Variants in PCDH11Y observed in about 807,000 individuals in gnomAD.
The protein encoded by PCDH11Y is protocadherin-11 Y-linked.
For missense variants in PCDH11Y, 12 were observed against 224.8 expected, an observed-to-expected ratio of 0.05 and a Z score of 6.05; for synonymous variants, 9 against 83.6, an observed-to-expected ratio of 0.11 and a Z score of 4.87.
At chrY:5,209,825 C>T (rs2052936508) in intron 2 of PCDH11Y, among the ~76,000 whole-genome samples, 1 of 33,595 alleles carries the variant, frequency 3.0e-5, no homozygotes. Flanking sequence ...AATCCCAGCA[C>T]TTTGGGAGAC....
chrY:5,162,515 T>G, intron 2 of PCDH11Y, among the ~76,000 whole-genome samples: 1 of 33,175 alleles, frequency 3.0e-5, no homozygotes, highest in Non-Finnish European at 7.5e-5. Flanking sequence ...CAGGGAATCA[T>G]AAGCTATAAT....
At chrY:5,259,240 T>A in intron 2 of PCDH11Y, among the ~76,000 whole-genome samples, 1 of 33,462 alleles carries the variant, frequency 3.0e-5, no homozygotes, top group Admixed American at 2.8e-4. Flanking sequence ...TTGCTTTTTT[T>A]ATCCATTCAG....
chrY:5,425,561 T>G, intron 2 of PCDH11Y, among the ~76,000 whole-genome samples: 1 of 33,452 alleles, frequency 3.0e-5, no homozygotes, highest in East Asian at 8.0e-4. Flanking sequence ...GAATCCATTT[T>G]GAGATACAGT....
intron 2 of PCDH11Y, among the ~76,000 whole-genome samples, chrY:5,183,733 T>C: frequency 1.2e-4 from 4 of 32,610 alleles, no homozygotes; most frequent in African/African-American, 2.5e-4. Context: ...CCTTTCTCTC[T>C]GAAATAATTT....
intron 2 of PCDH11Y, among the ~76,000 whole-genome samples, chrY:5,370,674 A>G: frequency 3.3e-5 from 1 of 30,469 alleles, no homozygotes; most frequent in South Asian, 7.6e-4. Context: ...TTAATTTTGT[A>G]TAGTTCCAAA....
intron 1 of PCDH11Y, among the ~76,000 whole-genome samples, chrY:5,082,457 G>A: frequency 3.0e-5 from 1 of 33,047 alleles, no homozygotes; most frequent in African/African-American, 1.2e-4. Context: ...CAGAAGAAAT[G>A]GTATCAGCTC....
chrY:5,679,607 A>G, intron 4 of PCDH11Y, among the ~76,000 whole-genome samples: 3 of 33,793 alleles, frequency 8.9e-5, no homozygotes, highest in African/African-American at 3.5e-4. Flanking sequence ...GTTTGAGAAA[A>G]GCAAAAGGAA....
chrY:5,613,896 C>A, intron 4 of PCDH11Y, among the ~76,000 whole-genome samples: 4 of 31,132 alleles, frequency 1.3e-4, no homozygotes, highest in Non-Finnish European at 3.1e-4. Context: ...ACAGCTATGT[C>A]CTCTTTTTGA....
intron 4 of PCDH11Y, among the ~76,000 whole-genome samples, chrY:5,703,393 T>A (rs2053579824): frequency 4.8e-4 from 16 of 33,217 alleles, no homozygotes; most frequent in Non-Finnish European, 7.4e-4. Context: ...TGTTCATCTT[T>A]TGAAATATTT....
chrY:5,365,171 T>C, intron 2 of PCDH11Y, among the ~76,000 whole-genome samples: 1 of 33,271 alleles, frequency 3.0e-5, no homozygotes, highest in South Asian at 6.6e-4. Flanking sequence ...TTTTCTTGTA[T>C]TAAAAACCCA....
chrY:5,087,795 A>G (rs2052733970), intron 1 of PCDH11Y, among the ~76,000 whole-genome samples: 3 of 32,130 alleles, frequency 9.3e-5, no homozygotes, highest in Non-Finnish European at 1.5e-4. Flanking sequence ...AAGGTTTGTG[A>G]GAATTCAAAT....
chrY:5,121,861 TA>T, intron 2 of PCDH11Y, among the ~76,000 whole-genome samples: 1 of 32,817 alleles, frequency 3.0e-5, no homozygotes, highest in Non-Finnish European at 7.5e-5. Context: ...AGAAAGGAAA[TA>T]AAATGAAGAC....
At chrY:5,055,065 T>C (rs2052658789), upstream of PCDH11Y, among the ~76,000 whole-genome samples, 1 of 33,755 alleles carries the variant, frequency 3.0e-5, no homozygotes, top group Non-Finnish European at 7.4e-5. Context: ...TAAAAATTAA[T>C]GAGATATTTT....
intron 3 of PCDH11Y, among the ~76,000 whole-genome samples, chrY:5,554,280 G>A (rs2053421643): frequency 2.9e-5 from 1 of 34,332 alleles, no homozygotes; most frequent in Non-Finnish European, 7.2e-5. Context: ...AAAGCATTCA[G>A]GATGTGACTT....
At chrY:5,616,605 T>C (rs2124701663) in intron 4 of PCDH11Y, among the ~76,000 whole-genome samples, 1 of 33,142 alleles carries the variant, frequency 3.0e-5, no homozygotes, top group South Asian at 6.6e-4. Flanking sequence ...CATCACACTG[T>C]ACTGAAATAA....
chrY:5,400,169 G>T, intron 2 of PCDH11Y, among the ~76,000 whole-genome samples: 1 of 34,310 alleles, frequency 2.9e-5, no homozygotes, highest in African/African-American at 1.1e-4. Flanking sequence ...GGGATGGGCC[G>T]AAACAAAGGA....
At chrY:5,208,835 C>T in intron 2 of PCDH11Y, among the ~76,000 whole-genome samples, 1 of 32,302 alleles carries the variant, frequency 3.1e-5, no homozygotes. Context: ...TTAGTTTCAA[C>T]ACCTATGTAT....
chrY:5,317,864 G>A (rs1420656044), intron 2 of PCDH11Y, among the ~76,000 whole-genome samples: 113 of 33,280 alleles, frequency 3.4e-3, no homozygotes, highest in Non-Finnish European at 6.1e-3. Context: ...GCTGAAAAGT[G>A]AGAAGAGGAA....
intron 2 of PCDH11Y, among the ~76,000 whole-genome samples, chrY:5,403,590 C>T: frequency 3.1e-5 from 1 of 32,715 alleles, no homozygotes; most frequent in African/African-American, 1.2e-4. Flanking sequence ...TACAGCACAC[C>T]GAGGTTGAAT....
Sources: allele counts gnomAD v4.1 joint callset (sites outside exome capture counted in the v4.1 genomes callset), GRCh38; gene constraint gnomAD v4.1.1; transcripts MANE v1.5; gene names NCBI Gene and HGNC (gene_info 2026-07-23, HGNC 2026-07-21).